Variants in SYCE1 observed in about 807,000 individuals in gnomAD.
SYCE1 encodes the protein synaptonemal complex central element protein 1, also known as cancer/testis antigen 76.
Under a neutral mutation model 55.1 loss-of-function variants are expected in SYCE1, and 37 were observed. That is an observed-to-expected ratio of 0.67 (90% CI 0.52 to 0.88). The LOEUF (loss-of-function observed/expected upper bound fraction) is 0.88. SYCE1 is among the 40% of genes least tolerant of loss of function. SYCE1 has a pLI of 0.00. For missense variants in SYCE1, 399 were observed against 416.4 expected, an observed-to-expected ratio of 0.96 and a Z score of 0.36; for synonymous variants, 163 against 159.4, an observed-to-expected ratio of 1.02 and a Z score of -0.17.
In SYCE1 at chr10:133,557,097, T is replaced by A. The variant is rs1477780401; in HGVS notation, c.434A>T (p.Glu145Val). Residue 145 changes from glutamate to valine, a missense_variant, in exon 7 of 13, where the codon GAA (glutamate) becomes GTA (valine). Physicochemically the swap from Glu to Val is moderately radical, Grantham distance 121. Coordinates refer to ENST00000343131, the MANE Select transcript of SYCE1 (RefSeq NM_001143764.3). ...CTGTCTCTGTTTGTTCTTCTCTTCTTCAATCTGCAAGTTCAGGGCAGAAAT... is the reference window on the plus strand; with the variant it reads ...CTGTCTCTGTTTGTTCTTCTCTTCTACAATCTGCAAGTTCAGGGCAGAAAT... ...ERISALNLQI[E>V]EEKNKQRQLR... 2.5e-6 allele frequency: 4 copies of A among 1,614,050 alleles called. No individual in the cohort carries two copies. The Admixed American group carries it at 6.7e-5, about 27-fold the overall frequency.
chr10:133,554,541 C>T (rs1851604184), downstream of SYCE1: 1 of 651,798 alleles, frequency 1.5e-6, no homozygotes, highest in Non-Finnish European at 2.8e-6. Flanking sequence ...CTGAGTTATA[C>T]ATTTTGTGTT....
chr10:133,557,054 T>A lies in SYCE1; in HGVS notation c.464+13A>T. On this transcript the variant is annotated intron_variant, in intron 7 of 12. Coordinates refer to ENST00000343131, the MANE Select transcript of SYCE1 (RefSeq NM_001143764.3). ...GGCCATCCAAACCCCCTGCCTCAGATGCTAAGGTTTACCTCAGCTGTCTCT... is the reference window on the plus strand; with the variant it reads ...GGCCATCCAAACCCCCTGCCTCAGAAGCTAAGGTTTACCTCAGCTGTCTCT... 6.2e-7 allele frequency: 1 copy of A among 1,611,946 alleles called. No homozygotes were observed. Among genetic ancestry groups the A allele is most frequent in the Non-Finnish European group, 8.5e-7 (1 of 1,177,970 alleles).
rs761093744 is a variant in SYCE1 at position 133,555,724 on chromosome 10, G to A, written c.720-17C>T. 6.2e-7 allele frequency: 1 copy of A among 1,607,318 alleles called. No homozygotes were observed. The highest frequency in any genetic ancestry group is 1.3e-5 in the African/African-American group (1 of 74,882). ...AACAGCTGCCTGGGGGGCCCAGTAG[G>A]GGGTGGTCAGCACCGGCCACTCCCT... On this transcript the variant is annotated splice_polypyrimidine_tract_variant and intron_variant, in intron 10 of 12. Coordinates refer to ENST00000343131, the MANE Select transcript of SYCE1 (RefSeq NM_001143764.3).
Position 133,557,115 on chromosome 10 carries a change from G to A in SYCE1, c.416C>T (p.Ala139Val), listed in dbSNP as rs759580210. ...CTCTTCTTCAATCTGCAAGTTCAGG[G>A]CAGAAATTCTCTCCTTGCACTCCTG... ...MLQECKERIS[A>V]LNLQIEEEKN... The change falls in exon 7 of 13, where the codon GCC becomes GTC. Residue 139 changes from alanine to valine, a missense_variant. Coordinates refer to ENST00000343131, the MANE Select transcript of SYCE1 (RefSeq NM_001143764.3). 2.8e-5 allele frequency: 45 copies of A among 1,613,988 alleles called. No homozygotes were observed. The South Asian group carries it at 4.8e-4, about 17-fold the overall frequency.
At chr10:133,561,051 G>C (rs1262508431) in intron 1 of SYCE1, 1 of 152,084 alleles carries the variant, frequency 6.6e-6, no homozygotes, top group Non-Finnish European at 1.5e-5. Flanking sequence ...TCGAACCAAT[G>C]TTCATCTTAC....
chr10:133,565,626 G>A, upstream of SYCE1: 1 of 1,249,866 alleles, frequency 8.0e-7, no homozygotes. Flanking sequence ...CAGCGCGCCT[G>A]CGCAATGCAC....
At chr10:133,566,707 G>T (rs1321211133), upstream of SYCE1, among the ~76,000 whole-genome samples, 2 of 151,650 alleles carry the variant, frequency 1.3e-5, no homozygotes, top group African/African-American at 4.9e-5. Context: ...TAGGGTTTTA[G>T]GGTAGGGGAT....
At position 133,565,476 on chromosome 10, in the gene SYCE1, G is replaced by A; in HGVS notation, c.54C>T (p.Asp18=). 4 of 1,550,196 alleles carry A rather than the reference G, an allele frequency of 2.6e-6. No individual in the cohort carries two copies. In the African/African-American group the frequency reaches 4.1e-5, roughly 16 times the overall value. The change falls in exon 1 of 13, where the codon GAC becomes GAT. Residue 18 remains aspartate (D), a synonymous_variant. Coordinates refer to ENST00000343131, the MANE Select transcript of SYCE1 (RefSeq NM_001143764.3). ...CACTACCTCCGGCCTTCTCAGCCCT[G>A]TCCACGGCTCCTGCGGTGGGCTCGG... ...SKAEPTAGAV[D]RAEKAGGQDT... is the part of the protein sequence containing the mutation.
At chr10:133,554,173 A>G (rs1431131128), downstream of SYCE1, 7 of 868,872 alleles carry the variant, frequency 8.1e-6, no homozygotes, top group South Asian at 1.6e-5. Context: ...TGTTTAAGAC[A>G]GGTATGATTA....
chr10:133,556,285 T>C (rs1378968546), intron 8 of SYCE1: 2 of 590,324 alleles, frequency 3.4e-6, no homozygotes, highest in East Asian at 2.8e-5. Flanking sequence ...TGGATTGTTA[T>C]TTACAACAGA....
At chr10:133,554,199 A>C (rs987149478), downstream of SYCE1, 7 of 1,169,284 alleles carry the variant, frequency 6.0e-6, no homozygotes, top group African/African-American at 1.1e-4. Context: ...ATCTTAGAGA[A>C]CTCGTCTGTC....
At chr10:133,565,715 G>T (rs750234051), upstream of SYCE1, 174 of 578,478 alleles carry the variant, frequency 3.0e-4, 2 homozygotes, top group Middle Eastern at 4.7e-4. Flanking sequence ...AAGGCGCGAG[G>T]GCTACAAACG....
rs200362969 is a variant in SYCE1, at chr10:133,560,082, A to G, written c.136+9T>C. 6.2e-4 allele frequency: 1,006 copies of G among 1,612,922 alleles called. 3 individuals are homozygous for G. The highest frequency in any genetic ancestry group is 1.2e-3 in the Middle Eastern group (7 of 6,078). On this transcript the variant is annotated intron_variant, in intron 2 of 12. Transcript: ENST00000343131. ...TCAGGCTGTGCCTCACACAAAGGAG[A>G]CACACGACCTTTCTGCAGCTTTTGC...
In SYCE1 at chr10:133,555,133, CAGG is replaced by C; in HGVS notation, c.919-7_919-5del. ...CTTTTAGGGGCTTGGGACTGGCCTG[CAGG>C]AGGTTAGTGTCCAGGGTGGGAATTT... On this transcript the variant is annotated splice_region_variant and splice_polypyrimidine_tract_variant and intron_variant, in intron 12 of 12. Transcript: ENST00000343131. 3 of 1,545,430 alleles carry C rather than the reference CAGG, an allele frequency of 1.9e-6. No homozygotes were observed. Among genetic ancestry groups the C allele is most frequent in the Non-Finnish European group, 2.6e-6 (3 of 1,144,860 alleles).
At chr10:133,562,845 G>A (rs11101834) in intron 1 of SYCE1, among the ~76,000 whole-genome samples, 14,911 of 152,174 alleles carry the variant, frequency 0.098, 898 homozygotes, top group East Asian at 0.25. Context: ...TAAAAGATAG[G>A]TAGTCACTAT....
At chr10:133,555,317 T>C (rs766682701) in intron 12 of SYCE1, 34 bp downstream of exon 12, 3 of 1,612,690 alleles carry the variant, frequency 1.9e-6, no homozygotes, top group South Asian at 1.1e-5. Flanking sequence ...TCAGTAGCTG[T>C]TTCTGTTCCC....
At chr10:133,566,015 G>C (rs929236038), upstream of SYCE1, among the ~76,000 whole-genome samples, 2 of 152,176 alleles carry the variant, frequency 1.3e-5, no homozygotes, top group South Asian at 4.1e-4. Context: ...TGAAATCTGC[G>C]GCAGCCCCCG....
chr10:133,563,103 A>C (rs922994064), intron 1 of SYCE1, among the ~76,000 whole-genome samples: 1 of 152,178 alleles, frequency 6.6e-6, no homozygotes, highest in African/African-American at 2.4e-5. Flanking sequence ...ATTTTTACCA[A>C]TCACCTATGT....
At position 133,558,014 on chromosome 10, in the gene SYCE1, T is replaced by C. The variant is rs1010896139; in HGVS notation, c.320-96A>G. The C allele has an allele frequency of 2.6e-5, 40 of 1,541,306 alleles. No individual in the cohort carries two copies. In the African/African-American group the frequency reaches 3.8e-4, roughly 15 times the overall value. ...AGATCATGTCAGGTCTGTGGACACC[T>C]GATTGAGCTTTAACATTTACTACAT... On this transcript the variant is annotated intron_variant, in intron 5 of 12. Transcript: ENST00000343131.
Sources: gnomAD v4.1 joint callset for allele counts (sites outside exome capture counted in the v4.1 genomes callset) on GRCh38, gnomAD v4.1.1 for gene constraint, MANE v1.5 for transcripts, NCBI Gene and HGNC (gene_info 2026-07-23, HGNC 2026-07-21) for gene names.